The following NUP88 variants were observed in gnomAD, a reference collection of about 807,000 sequenced individuals.
NUP88 encodes nuclear pore complex protein Nup88.
Under a neutral mutation model 93.9 loss-of-function variants are expected in NUP88, and 57 were observed. That is an observed-to-expected ratio of 0.61 (90% CI 0.49 to 0.76). The LOEUF (loss-of-function observed/expected upper bound fraction) is 0.76. NUP88 is among the 30% of genes least tolerant of loss of function. The pLI, the probability that NUP88 is intolerant of heterozygous loss-of-function variation, is 0.00. For missense variants in NUP88, 911 were observed against 901.0 expected, an observed-to-expected ratio of 1.01 and a Z score of -0.14; for synonymous variants, 346 against 336.8, an observed-to-expected ratio of 1.03 and a Z score of -0.30.
intron 2 of NUP88, among the ~76,000 whole-genome samples, chr17:5,414,860 T>C (rs1438112611): frequency 1.3e-5 from 2 of 151,848 alleles, no homozygotes; most frequent in East Asian, 3.9e-4. Flanking sequence ...GAGGCTGCAG[T>C]GAGCTGAGCT....
intron 9 of NUP88, among the ~76,000 whole-genome samples, chr17:5,393,355 C>CA (rs1912562304): frequency 6.6e-6 from 1 of 151,716 alleles, no homozygotes; most frequent in South Asian, 2.1e-4. Flanking sequence ...CCTCACCTGA[C>CA]AAAGTGCTGG....
intron 9 of NUP88, among the ~76,000 whole-genome samples, chr17:5,393,494 T>C (rs1195724212): frequency 6.7e-6 from 1 of 148,804 alleles, no homozygotes; most frequent in African/African-American, 2.5e-5. Flanking sequence ...TGGAGTGCAG[T>C]GGCATGATCT....
Position 5,387,096 on chromosome 17 carries a change from AG to A in NUP88, c.1930del (p.Leu644PhefsTer18). 3.1e-6 allele frequency: 5 copies of A among 1,613,564 alleles called. No homozygotes were observed. The highest frequency in any genetic ancestry group is 4.2e-6 in the Non-Finnish European group (5 of 1,179,868). On this transcript the variant is annotated frameshift_variant, in exon 15 of 17. Coordinates refer to ENST00000573584, the MANE Select transcript of NUP88 (RefSeq NM_002532.6). LOFTEE classifies it high-confidence loss of function. ...TGGGAGCTCAGAGTGAAAACTGTGAAGTAGTTTTTTCATCCTTTAGAAAAGG... is the reference window on the plus strand; with the variant it reads ...TGGGAGCTCAGAGTGAAAACTGTGAATAGTTTTTTCATCCTTTAGAAAAGG... ...EDIMNRMKKL[L>X]HSFHSELPVL...
intron 8 of NUP88, among the ~76,000 whole-genome samples, chr17:5,397,972 G>A (rs905648638): frequency 2.6e-5 from 3 of 114,316 alleles, no homozygotes; most frequent in East Asian, 6.6e-4. Flanking sequence ...GTGTGATCTC[G>A]ACTCGAATAC....
In NUP88 at chr17:5,385,245, T is replaced by C. The variant is rs899881313; in HGVS notation, c.*961A>G. ...TCACTGTCCAGGTAGGAAACAATTC[T>C]TTCAACTGGGTTTTCAGCATAAATG... On this transcript the variant is annotated 3_prime_UTR_variant, in exon 17 of 17. Transcript: ENST00000573584. 4.3e-6 allele frequency: 1 copy of C among 230,458 alleles called. No individual in the cohort carries two copies. Among genetic ancestry groups the C allele is most frequent in the African/African-American group, 2.2e-5 (1 of 45,206 alleles). 14.3% of individuals were successfully genotyped at this position (230,458 alleles called of 1,614,324 possible). A position where few individuals can be genotyped will look rare whatever the true frequency, so the allele number is the denominator to read the frequency against.
At chr17:5,418,243 T>C (rs1394614445) in intron 1 of NUP88, 1 of 152,208 alleles carries the variant, frequency 6.6e-6, no homozygotes, top group South Asian at 2.1e-4. Flanking sequence ...TACTGCGTGC[T>C]GCACATTTGG....
chr17:5,390,699 C>CT (rs1228691757), intron 10 of NUP88, among the ~76,000 whole-genome samples: 2 of 124,064 alleles, frequency 1.6e-5, no homozygotes, highest in Non-Finnish European at 3.3e-5. Context: ...AAGAGTTCAG[C>CT]TTTTTTGTTT....
chr17:5,403,616 C>T (rs955289702), intron 7 of NUP88, among the ~76,000 whole-genome samples: 9 of 152,096 alleles, frequency 5.9e-5, no homozygotes, highest in Middle Eastern at 3.4e-3. Context: ...GTCGAGATTG[C>T]GCCATTAGAC....
chr17:5,399,646 G>A lies in NUP88; in HGVS notation c.1197C>T (p.Pro399=), dbSNP rs757640100. 1.3e-6 allele frequency: 2 copies of A among 1,570,186 alleles called. No individual in the cohort carries two copies. The highest frequency in any genetic ancestry group is 2.3e-5 in the East Asian group (1 of 44,314). The part of the protein sequence containing the change: ...FSCPVKLHRD[P]KCPSRYHCTH... The stretch of plus-strand genomic sequence containing the variant: ...TACAGTGATATCTTGAAGGACACTT[G>A]GGATCTGCAAATGGAATGATTAATG... Residue 399 remains proline, a synonymous_variant, in exon 8 of 17, where the codon CCC becomes CCT. Transcript: ENST00000573584.
At chr17:5,387,246 T>G in intron 14 of NUP88, 136 bp from the exon 15 acceptor site, 1 of 1,259,814 alleles carries the variant, frequency 7.9e-7, no homozygotes, top group Non-Finnish European at 1.1e-6. Context: ...AGCCTCATGT[T>G]TTCCCCAACA....
chr17:5,386,389 G>T, intron 16 of NUP88, 120 bp from the exon 17 acceptor site: 1 of 801,442 alleles, frequency 1.2e-6, no homozygotes, highest in Non-Finnish European at 2.1e-6. Context: ...ATTAACAGCT[G>T]AAGGTTTCAG....
At chr17:5,410,235 C>A (rs995096755) in intron 4 of NUP88, among the ~76,000 whole-genome samples, 3 of 152,126 alleles carry the variant, frequency 2.0e-5, no homozygotes, top group Admixed American at 1.3e-4. Flanking sequence ...CAATTTTCTA[C>A]AGCAAATATA....
chr17:5,387,034 ATTCT>A lies in NUP88; in HGVS notation c.1989_1992del (p.Lys663AsnfsTer4), dbSNP rs760949964. On this transcript the variant is annotated frameshift_variant, in exon 15 of 17. Transcript: ENST00000573584. LOFTEE classifies it high-confidence loss of function. ...CGAAGTTGATCAGGTATCAGCTGTA[ATTCT>A]TTCTTCATGTCTCGCTCACTATCAG... 4.3e-6 allele frequency: 7 copies of A among 1,614,028 alleles called. No individual in the cohort carries two copies. The highest frequency in any genetic ancestry group is 1.3e-5 in the African/African-American group (1 of 74,938).
chr17:5,397,959 G>A (rs1912882091), intron 8 of NUP88, among the ~76,000 whole-genome samples: 1 of 130,648 alleles, frequency 7.7e-6, no homozygotes, highest in African/African-American at 3.0e-5. Context: ...CTGGAGTGCA[G>A]TGGTGTGATC....
At chr17:5,414,648 G>A (rs995144736) in intron 2 of NUP88, among the ~76,000 whole-genome samples, 2 of 152,110 alleles carry the variant, frequency 1.3e-5, no homozygotes, top group Non-Finnish European at 2.9e-5. Flanking sequence ...CTGGCTGGGC[G>A]CAATGGCTCA....
chr17:5,414,789 C>A (rs1914040865), intron 2 of NUP88, among the ~76,000 whole-genome samples: 2 of 112,930 alleles, frequency 1.8e-5, no homozygotes, highest in Non-Finnish European at 3.6e-5. Context: ...TGTGGTGGCA[C>A]ATGCCTGTAA....
intron 4 of NUP88, among the ~76,000 whole-genome samples, chr17:5,409,200 C>A (rs1002819572): frequency 2.6e-5 from 4 of 151,792 alleles, no homozygotes; most frequent in African/African-American, 9.7e-5. Context: ...ATGGTGAAAC[C>A]CCGTTTCTAC....
In NUP88 at chr17:5,390,143, C is replaced by T. The variant is rs147983925; in HGVS notation, c.1485-1183G>A. Among the ~76,000 whole-genome samples, 752 of 137,926 alleles carry T rather than the reference C, an allele frequency of 5.5e-3. 10 individuals are homozygous for T. Among genetic ancestry groups the T allele is most frequent in the African/African-American group, 0.019 (709 of 37,274 alleles). 90.5% of individuals were successfully genotyped at this position (137,926 alleles called of 152,430 possible). The stretch of plus-strand genomic sequence containing the variant: ...TCGTGCCACTGCCCTCCAGCTTGGG[C>T]AACACAGCAAACTCCGTCTCAAAAA... On this transcript the variant is annotated intron_variant, in intron 10 of 16. Coordinates refer to ENST00000573584, the MANE Select transcript of NUP88 (RefSeq NM_002532.6).
chr17:5,389,963 C>T (rs530861353), intron 10 of NUP88, among the ~76,000 whole-genome samples: 2 of 151,896 alleles, frequency 1.3e-5, no homozygotes, highest in Non-Finnish European at 2.9e-5. Context: ...GTCAGGAGTT[C>T]AGGACCAGCC....
Sources: gnomAD v4.1 joint callset for allele counts (sites outside exome capture counted in the v4.1 genomes callset) on GRCh38, gnomAD v4.1.1 for gene constraint, MANE v1.5 for transcripts, NCBI Gene and HGNC (gene_info 2026-07-23, HGNC 2026-07-21) for gene names.